HTR1F: variants seen among roughly 807,000 people sequenced by gnomAD.
HTR1F encodes the protein 5-hydroxytryptamine (serotonin) receptor 1F, G protein-coupled.
In HTR1F, 17 loss-of-function variants were observed where a neutral mutation model predicts 24.0. The ratio of observed to expected loss-of-function variants is 0.71; its 90% confidence interval spans 0.48 to 1.06. The LOEUF (loss-of-function observed/expected upper bound fraction) is 1.06. HTR1F is among the 50% of genes least tolerant of loss of function. The probability of loss-of-function intolerance (pLI) is 0.00; values close to 1 mark genes in which losing one functional copy is unlikely to be tolerated. For missense variants in HTR1F, 391 were observed against 427.8 expected (o/e 0.91, Z 0.76); for synonymous variants, 186 against 156.8 (o/e 1.19, Z -1.39).
intron 2 of HTR1F, among the ~76,000 whole-genome samples, chr3:87,903,310 A>C (rs1479745606): frequency 6.7e-6 from 1 of 149,976 alleles, no homozygotes; most frequent in African/African-American, 2.4e-5. Flanking sequence ...CTGCACAGCA[A>C]AAGAAACTAC....
intron 2 of HTR1F, among the ~76,000 whole-genome samples, chr3:87,864,883 C>T (rs1201232408): frequency 7.5e-6 from 1 of 133,628 alleles, no homozygotes; most frequent in Non-Finnish European, 1.5e-5. Context: ...GTGAGCAAGA[C>T]TTCATCTCAA....
At chr3:87,820,416 T>C (rs1575906711) in intron 1 of HTR1F, among the ~76,000 whole-genome samples, 1 of 151,874 alleles carries the variant, frequency 6.6e-6, no homozygotes, top group Non-Finnish European at 1.5e-5. Context: ...GACCTCGTGA[T>C]CCGCCCGCCT....
At chr3:87,914,863 C>T (rs1319728445) in intron 2 of HTR1F, among the ~76,000 whole-genome samples, 2 of 152,068 alleles carry the variant, frequency 1.3e-5, no homozygotes, top group East Asian at 3.9e-4. Flanking sequence ...CTGGAAAGCA[C>T]CACCCCCTGG....
chr3:87,920,232 G>A (rs1703984475), intron 2 of HTR1F, among the ~76,000 whole-genome samples: 1 of 151,778 alleles, frequency 6.6e-6, no homozygotes, highest in Non-Finnish European at 1.5e-5. Flanking sequence ...TGACACGATG[G>A]ACTTTGGGGA....
At chr3:87,821,191 A>C (rs541501991) in intron 1 of HTR1F, among the ~76,000 whole-genome samples, 2 of 152,336 alleles carry the variant, frequency 1.3e-5, no homozygotes, top group African/African-American at 4.8e-5. Context: ...TCTAAGATCC[A>C]TAAGTTTTTC....
intron 1 of HTR1F, among the ~76,000 whole-genome samples, chr3:87,806,362 A>G (rs899363086): frequency 6.6e-6 from 1 of 152,072 alleles, no homozygotes; most frequent in African/African-American, 2.4e-5. Flanking sequence ...GTCAATGTGT[A>G]TAAAAGTTCT....
At chr3:87,976,831 T>A (rs1705405866) in intron 2 of HTR1F, among the ~76,000 whole-genome samples, 1 of 152,150 alleles carries the variant, frequency 6.6e-6, no homozygotes, top group Admixed American at 6.5e-5. Flanking sequence ...AATATCCAGA[T>A]TCTTTGTCTA....
chr3:87,984,738 G>A (rs867219844), intron 2 of HTR1F, among the ~76,000 whole-genome samples: 15 of 152,122 alleles, frequency 9.9e-5, no homozygotes, highest in East Asian at 1.9e-4. Flanking sequence ...GATTACAGGC[G>A]TGCACCACCA....
At chr3:87,877,058 A>G (rs1054661132) in intron 2 of HTR1F, among the ~76,000 whole-genome samples, 3 of 152,136 alleles carry the variant, frequency 2.0e-5, no homozygotes, top group Non-Finnish European at 4.4e-5. Flanking sequence ...AGAATGCATC[A>G]TCTTATTTTC....
At chr3:87,803,416 CA>C (rs1160368120) in intron 1 of HTR1F, among the ~76,000 whole-genome samples, 1 of 152,052 alleles carries the variant, frequency 6.6e-6, no homozygotes, top group Non-Finnish European at 1.5e-5. Flanking sequence ...TCTCATTGAA[CA>C]TCATTGCTAT....
At chr3:87,889,885 C>T (rs935978423) in intron 2 of HTR1F, among the ~76,000 whole-genome samples, 5 of 152,138 alleles carry the variant, frequency 3.3e-5, no homozygotes, top group African/African-American at 1.2e-4. Context: ...AGTCTTGCAC[C>T]AGGCACCTCC....
intron 1 of HTR1F, among the ~76,000 whole-genome samples, chr3:87,820,263 G>A (rs1415933292): frequency 6.2e-5 from 9 of 144,288 alleles, no homozygotes; most frequent in African/African-American, 2.3e-4. Context: ...TGCAAGCTCC[G>A]CCTCCCGGGT....
At chr3:87,959,767 G>GT (rs5850818) in intron 2 of HTR1F, among the ~76,000 whole-genome samples, 2,298 of 140,710 alleles carry the variant, frequency 0.016, 44 homozygotes, top group South Asian at 0.049. Flanking sequence ...ACCACCATGG[G>GT]TTTTTTTTTT....
chr3:87,847,511 G>T (rs1199595863), intron 2 of HTR1F, among the ~76,000 whole-genome samples: 1 of 151,628 alleles, frequency 6.6e-6, no homozygotes, highest in Non-Finnish European at 1.5e-5. Flanking sequence ...CCATTAACTT[G>T]GGTGTTTATT....
chr3:87,971,337 G>T (rs1424464192), intron 2 of HTR1F, among the ~76,000 whole-genome samples: 1 of 152,086 alleles, frequency 6.6e-6, no homozygotes, highest in Non-Finnish European at 1.5e-5. Flanking sequence ...AGAGGCCGAG[G>T]CAGGAGGATC....
At chr3:87,917,936 A>G (rs1703931401) in intron 2 of HTR1F, among the ~76,000 whole-genome samples, 1 of 152,054 alleles carries the variant, frequency 6.6e-6, no homozygotes, top group African/African-American at 2.4e-5. Flanking sequence ...ATTACAGACC[A>G]ATATCCCTGA....
intron 2 of HTR1F, among the ~76,000 whole-genome samples, chr3:87,825,924 C>G (rs1246127836): frequency 6.6e-6 from 1 of 152,182 alleles, no homozygotes; most frequent in African/African-American, 2.4e-5. Context: ...TGGTGTAATA[C>G]TGGATAAGTT....
At chr3:87,949,483 T>A (rs970707391) in intron 2 of HTR1F, among the ~76,000 whole-genome samples, 5 of 152,218 alleles carry the variant, frequency 3.3e-5, no homozygotes, top group African/African-American at 1.2e-4. Context: ...ATGTATGCGT[T>A]AGGGAAACAA....
At chr3:87,917,541 A>G (rs1703921308) in intron 2 of HTR1F, among the ~76,000 whole-genome samples, 1 of 152,064 alleles carries the variant, frequency 6.6e-6, no homozygotes, top group African/African-American at 2.4e-5. Flanking sequence ...ATTACAACTG[A>G]CACCACAGAA....
Sources: gnomAD v4.1 joint callset for allele counts (sites outside exome capture counted in the v4.1 genomes callset) on GRCh38, gnomAD v4.1.1 for gene constraint, MANE v1.5 for transcripts, NCBI Gene and HGNC (gene_info 2026-07-23, HGNC 2026-07-21) for gene names.